Variants in CALD1 observed in about 807,000 individuals in gnomAD.
CALD1 encodes the protein caldesmon 1, also known as caldesmon.
In CALD1, 33 loss-of-function variants were observed where a neutral mutation model predicts 99.9. That is an observed-to-expected ratio of 0.33 (90% CI 0.25 to 0.44). The LOEUF is 0.44. Ranked by LOEUF, CALD1 falls within the 20% of genes least tolerant of loss-of-function variation. The pLI is 1.00. For missense variants in CALD1, 861 were observed against 962.1 expected (o/e 0.89, Z 1.39); for synonymous variants, 310 against 325.0 (o/e 0.95, Z 0.50).
At chr7:134,759,671 C>A (rs1176979398) in intron 1 of CALD1, among the ~76,000 whole-genome samples, 3 of 152,182 alleles carry the variant, frequency 2.0e-5, no homozygotes, top group Non-Finnish European at 4.4e-5. Context: ...AAGGGCTGGC[C>A]TTTTAAGTTA....
intron 9 of CALD1, among the ~76,000 whole-genome samples, chr7:134,951,241 A>G (rs994604817): frequency 3.3e-5 from 5 of 152,344 alleles, no homozygotes; most frequent in South Asian, 2.1e-4. Context: ...ATGTTGGACC[A>G]TAGCACCTCC....
At chr7:134,922,604 C>T (rs959922730) in intron 3 of CALD1, among the ~76,000 whole-genome samples, 6 of 152,112 alleles carry the variant, frequency 3.9e-5, no homozygotes, top group Non-Finnish European at 7.4e-5. Flanking sequence ...AAGCTGGGGT[C>T]GGGGGACACT....
intron 3 of CALD1, among the ~76,000 whole-genome samples, chr7:134,892,022 T>G (rs769826887): frequency 3.3e-5 from 5 of 152,180 alleles, no homozygotes; most frequent in Non-Finnish European, 5.9e-5. Context: ...AATTTAGACC[T>G]TAGCCCTCCG....
chr7:134,876,705 C>A (rs144214235), intron 3 of CALD1, among the ~76,000 whole-genome samples: 2 of 152,308 alleles, frequency 1.3e-5, no homozygotes, highest in East Asian at 3.9e-4. Context: ...GTTGTGTTAG[C>A]ATGATTCCTT....
rs1663705730 is a variant in CALD1 at position 134,960,271 on chromosome 7, GT to G, written c.2199+163del. On this transcript the variant is annotated intron_variant, in intron 12 of 14. Coordinates refer to ENST00000361675, the MANE Select transcript of CALD1 (RefSeq NM_033138.4). ...ACAAAAGCAAGCTCAGAGAGAATGT[GT>G]TTGTGAGGTTGCATGAGGTACTAAG... 4.8e-6 allele frequency: 4 copies of G among 839,796 alleles called. No individual in the cohort carries two copies. In the African/African-American group the frequency reaches 5.1e-5, roughly 11 times the overall value. The allele number at this position is 839,796 out of a possible 1,614,324, so 52.0% of individuals were successfully genotyped here. A position where few individuals can be genotyped will look rare whatever the true frequency, so the allele number is the denominator to read the frequency against.
At chr7:134,920,793 C>A in intron 3 of CALD1, 1 of 762,332 alleles carries the variant, frequency 1.3e-6, no homozygotes, top group Non-Finnish European at 1.9e-6. Context: ...TTTATTTGAT[C>A]TGTTGGAATT....
At chr7:134,891,563 C>CCCGGCCTGG in intron 3 of CALD1, 1 of 1,567,448 alleles carries the variant, frequency 6.4e-7, no homozygotes, top group African/African-American at 1.4e-5. Flanking sequence ...GCCCTGACCG[C>CCCGGCCTGG]CCGGCCTGGC....
chr7:134,923,948 T>C (rs1804798610), intron 3 of CALD1, among the ~76,000 whole-genome samples: 1 of 152,224 alleles, frequency 6.6e-6, no homozygotes, highest in African/African-American at 2.4e-5. Context: ...CTTAGCAGCA[T>C]TGTTTATAAG....
intron 4 of CALD1, among the ~76,000 whole-genome samples, chr7:134,931,029 T>C (rs920910726): frequency 1.3e-5 from 2 of 152,262 alleles, no homozygotes; most frequent in African/African-American, 2.4e-5. Flanking sequence ...TTGCTTTTCC[T>C]TGTGCTTCTC....
chr7:134,892,441 A>C (rs1209276955), intron 3 of CALD1, among the ~76,000 whole-genome samples: 2 of 152,256 alleles, frequency 1.3e-5, no homozygotes, highest in Non-Finnish European at 2.9e-5. Flanking sequence ...AAGGTACCGC[A>C]CAAGAATTAG....
chr7:134,725,925 C>G, the CALD1 span, among the ~76,000 whole-genome samples: 19,256 of 152,158 alleles, frequency 0.13, 1,492 homozygotes, highest in Non-Finnish European at 0.17. Flanking sequence ...AATGAATTCT[C>G]TTCTAAAACC....
intron 1 of CALD1, among the ~76,000 whole-genome samples, chr7:134,786,071 G>A (rs1797292540): frequency 6.6e-6 from 1 of 152,138 alleles, no homozygotes. Context: ...ATCTGTTGTG[G>A]AAGAGAAGGG....
chr7:134,738,917 G>T, the CALD1 span, among the ~76,000 whole-genome samples: 1 of 152,224 alleles, frequency 6.6e-6, no homozygotes, highest in South Asian at 2.1e-4. Flanking sequence ...GGGTATGATT[G>T]TTCAAGTAGT....
chr7:134,939,869 C>T (rs1019674019), intron 6 of CALD1, among the ~76,000 whole-genome samples: 11 of 152,052 alleles, frequency 7.2e-5, no homozygotes, highest in African/African-American at 2.4e-4. Context: ...GATGCTAAGG[C>T]GGGAGAATCC....
At chr7:134,728,968 C>T in the CALD1 span, among the ~76,000 whole-genome samples, 2 of 150,926 alleles carry the variant, frequency 1.3e-5, no homozygotes, top group African/African-American at 4.9e-5. Context: ...TCTGGTGCCT[C>T]AGCCTCCTGA....
chr7:134,963,968 G>A (rs1808472779), intron 13 of CALD1, among the ~76,000 whole-genome samples: 2 of 152,174 alleles, frequency 1.3e-5, no homozygotes, highest in Admixed American at 6.5e-5. Flanking sequence ...AGAGGCTGAG[G>A]CGGGCAGATT....
At chr7:134,866,792 A>G (rs1403100957) in intron 2 of CALD1, 1 of 152,226 alleles carries the variant, frequency 6.6e-6, no homozygotes, top group Non-Finnish European at 1.5e-5. Flanking sequence ...CGCACAGGAA[A>G]CAATCTTCAA....
chr7:134,733,921 A>G, the CALD1 span, among the ~76,000 whole-genome samples: 1 of 151,358 alleles, frequency 6.6e-6, no homozygotes, highest in East Asian at 1.9e-4. Flanking sequence ...TATAACCTTC[A>G]GTTTGTATAA....
At chr7:134,919,420 C>G (rs375343126) in intron 3 of CALD1, among the ~76,000 whole-genome samples, 2 of 152,190 alleles carry the variant, frequency 1.3e-5, no homozygotes, top group African/African-American at 4.8e-5. Flanking sequence ...TGTTCTGCAG[C>G]ATATTTCCCC....
Sources: allele counts gnomAD v4.1 joint callset (sites outside exome capture counted in the v4.1 genomes callset), GRCh38; gene constraint gnomAD v4.1.1; transcripts MANE v1.5; gene names NCBI Gene and HGNC (gene_info 2026-07-23, HGNC 2026-07-21).